TG: variants seen among roughly 807,000 people sequenced by gnomAD.
TG encodes thyroid hormones.
A neutral mutation model predicts 324.7 loss-of-function variants in TG; 270 were observed. The ratio of observed to expected loss-of-function variants is 0.83; its 90% CI spans 0.75 to 0.92. The LOEUF (loss-of-function observed/expected upper bound fraction) is 0.92, where lower values mean the gene tolerates loss of function less well. Ranked by LOEUF, TG falls within the 40% of genes least tolerant of loss-of-function variation. The probability of loss-of-function intolerance (pLI) is 0.00; values close to 1 mark genes in which losing one functional copy is unlikely to be tolerated. For synonymous variants in TG, 1,401 were observed against 1,327.0 expected (o/e 1.06, Z -1.21); for missense variants, 3,591 against 3,456.4 (o/e 1.04, Z -0.98).
Position 132,869,007 on chromosome 8 carries a change from T to C in TG, c.177-722T>C, listed in dbSNP as rs529996738. On this transcript the variant is annotated intron_variant, in intron 2 of 47. Coordinates refer to ENST00000220616, the MANE Select transcript of TG (RefSeq NM_003235.5). ...CTTAATGTGCCTAACCTCCCACGAG[T>C]GTGCAGAGATGCTGCTAGAGCAGTC... Among the ~76,000 whole-genome samples the C allele has an allele frequency of 1.1e-4, 17 of 152,274 alleles. 1 individual carries two copies. The South Asian group carries it at 3.5e-3, about 32-fold the overall frequency.
intron 22 of TG, among the ~76,000 whole-genome samples, chr8:132,926,326 AACAGTTTT>A (rs1821862848): frequency 2.0e-5 from 3 of 152,180 alleles, no homozygotes; most frequent in Non-Finnish European, 4.4e-5. Flanking sequence ...GCTTCAGTCC[AACAGTTTT>A]TCTATGATGC....
chr8:133,064,986 A>G (rs1048303384), intron 41 of TG, among the ~76,000 whole-genome samples: 6 of 152,224 alleles, frequency 3.9e-5, no homozygotes, highest in African/African-American at 1.4e-4. Flanking sequence ...GGTGACAGTT[A>G]GAATTAATTT....
At chr8:132,934,844 G>T (rs116449321) in intron 24 of TG, among the ~76,000 whole-genome samples, 179 of 152,320 alleles carry the variant, frequency 1.2e-3, no homozygotes, top group African/African-American at 4.1e-3. Context: ...GTCAGAAAGA[G>T]AGATCAGAAA....
chr8:132,999,242 C>T (rs11782262), intron 35 of TG, among the ~76,000 whole-genome samples: 48,841 of 151,688 alleles, frequency 0.32, 8,065 homozygotes, highest in Non-Finnish European at 0.35. Context: ...AGAGGACAGG[C>T]GGGCTGGCAT....
intron 10 of TG, 55 bp downstream of exon 10, chr8:132,888,623 A>T (rs201365841): frequency 7.8e-6 from 6 of 769,828 alleles, no homozygotes; most frequent in African/African-American, 2.2e-5. Flanking sequence ...GTGTGTGTGT[A>T]TGTGTGTTTA....
At position 132,887,259 on chromosome 8, in the gene TG, C is replaced by G; in HGVS notation, c.1887C>G (p.Val629=). 4.4e-6 allele frequency: 7 copies of G among 1,602,552 alleles called. No homozygotes were observed. The highest frequency in any genetic ancestry group is 6.0e-6 in the Non-Finnish European group (7 of 1,173,362). ...SCTTEGSYED[V]QCFSGECWCV... is the part of the protein sequence containing the mutation. ...CGACAGAAGGAAGCTATGAGGATGT[C>G]CAATGCTTTTCCGGAGAGTGCTGGT... Residue 629 remains valine (V), a synonymous_variant, in exon 9 of 48, where the codon GTC becomes GTG. Transcript: ENST00000220616.
chr8:132,910,909 C>T (rs1027887206), intron 18 of TG, among the ~76,000 whole-genome samples: 3 of 152,190 alleles, frequency 2.0e-5, no homozygotes, highest in African/African-American at 7.2e-5. Context: ...TTCTCCCCAA[C>T]CCTGAGGAGC....
intron 45 of TG, among the ~76,000 whole-genome samples, chr8:133,120,120 C>G (rs1342109299): frequency 6.6e-6 from 1 of 152,132 alleles, no homozygotes; most frequent in African/African-American, 2.4e-5. Context: ...AGGAATCCAC[C>G]CTCAATCCAC....
At chr8:132,959,039 G>A (rs1235444282) in intron 27 of TG, among the ~76,000 whole-genome samples, 1 of 152,220 alleles carries the variant, frequency 6.6e-6, no homozygotes, top group South Asian at 2.1e-4. Context: ...AGAATTTTGA[G>A]TAGATCCTTT....
intron 12 of TG, among the ~76,000 whole-genome samples, 163 bp downstream of exon 12, chr8:132,897,949 G>A (rs921615557): frequency 6.6e-6 from 1 of 152,336 alleles, no homozygotes. Flanking sequence ...TCTCACTTGT[G>A]TAACAGGAGC....
chr8:133,016,928 C>A (rs1188298008), intron 37 of TG, among the ~76,000 whole-genome samples: 1 of 152,188 alleles, frequency 6.6e-6, no homozygotes, highest in Non-Finnish European at 1.5e-5. Context: ...GGGTGGGAGG[C>A]ATGGCAGGCG....
At position 133,121,183 on chromosome 8, in the gene TG, T is replaced by C. The variant is rs369671964; in HGVS notation, c.7862+4467T>C. ...TCAGGAAATCATACCGAAGGATAGA[T>C]GGTCAGGAATGAGTCCTTTCTACTT... On this transcript the variant is annotated intron_variant, in intron 45 of 47. Transcript: ENST00000220616. Among the ~76,000 whole-genome samples, 23 of 152,248 alleles carry C rather than the reference T, an allele frequency of 1.5e-4. 2 individuals carry two copies. In the South Asian group the frequency reaches 4.4e-3, roughly 29 times the overall value.
intron 42 of TG, among the ~76,000 whole-genome samples, chr8:133,095,469 G>C (rs1848269288): frequency 6.6e-6 from 1 of 152,190 alleles, no homozygotes; most frequent in Admixed American, 6.5e-5. Context: ...TAGTTATACA[G>C]ACCTTATAGA....
At chr8:133,109,335 G>A (rs1344497716) in intron 43 of TG, among the ~76,000 whole-genome samples, 1 of 152,130 alleles carries the variant, frequency 6.6e-6, no homozygotes, top group Non-Finnish European at 1.5e-5. Context: ...CTACTTTAAC[G>A]CTTATTGGAT....
rs758712176 is a variant in TG at position 132,906,826 on chromosome 8, C to T, written c.3773C>T (p.Pro1258Leu). ...CGCCAGGGCTCCTGGAGCGTGTTTC[C>T]ACCAGGGCCATTGATATGTAGCCTG... The part of the protein sequence containing the change: ...LCRQGSWSVF[P>L]PGPLICSLES... Residue 1258 changes from proline to leucine, a missense_variant, in exon 17 of 48, where the codon CCA (proline) becomes CTA (leucine). Coordinates refer to ENST00000220616, the MANE Select transcript of TG (RefSeq NM_003235.5). The T allele has an allele frequency of 6.2e-7, 1 of 1,614,160 alleles. No individual in the cohort carries two copies. The highest frequency in any genetic ancestry group is 2.2e-5 in the East Asian group (1 of 44,872).
In TG at chr8:132,882,931, G is replaced by T. The variant is rs766127668; in HGVS notation, c.1007G>T (p.Cys336Phe). 1 of 1,614,194 alleles carries T rather than the reference G, an allele frequency of 6.2e-7. No individual in the cohort carries two copies. Among genetic ancestry groups the T allele is most frequent in the Non-Finnish European group, 8.5e-7 (1 of 1,180,036 alleles). Reference protein sequence around the residue: ...QAVQCQTEGPCWCVDAQGKEM... With the variant: ...QAVQCQTEGPFWCVDAQGKEM... Reference sequence around the variant, plus strand: ...GTGCAGTGCCAGACGGAAGGGCCCTGCTGGTGTGTGGACGCCCAGGGGAAG... The same window carrying T: ...GTGCAGTGCCAGACGGAAGGGCCCTTCTGGTGTGTGGACGCCCAGGGGAAG... The change falls in exon 8 of 48, where the codon TGC becomes TTC. Residue 336 changes from cysteine (C) to phenylalanine (F), a missense_variant. Coordinates refer to ENST00000220616, the MANE Select transcript of TG (RefSeq NM_003235.5).
chr8:133,124,575 G>A (rs538516589), intron 45 of TG, among the ~76,000 whole-genome samples: 1 of 152,096 alleles, frequency 6.6e-6, no homozygotes, highest in Non-Finnish European at 1.5e-5. Context: ...TTTAAAATAG[G>A]TATAGCTATA....
At chr8:133,060,810 A>G (rs1212817243) in intron 41 of TG, among the ~76,000 whole-genome samples, 4 of 152,198 alleles carry the variant, frequency 2.6e-5, no homozygotes, top group African/African-American at 9.6e-5. Flanking sequence ...GCTTAAGCCC[A>G]TTGTGCAGTG....
At chr8:133,047,686 G>A (rs540102537) in intron 41 of TG, 181 of 676,326 alleles carry the variant, frequency 2.7e-4, no homozygotes, top group African/African-American at 2.5e-3. Flanking sequence ...CCCCAGCAGC[G>A]TGTGGGCTGC....
Sources: gnomAD v4.1 joint callset for allele counts (sites outside exome capture counted in the v4.1 genomes callset) on GRCh38, gnomAD v4.1.1 for gene constraint, MANE v1.5 for transcripts, NCBI Gene and HGNC (gene_info 2026-07-23, HGNC 2026-07-21) for gene names.